The following LRP6 variants were observed in gnomAD, a reference collection of about 807,000 sequenced individuals.
LRP6 encodes the protein low-density lipoprotein receptor-related protein 6.
In LRP6, 43 loss-of-function variants were observed where a neutral mutation model predicts 184.1. The ratio of observed to expected loss-of-function variants is 0.23; its 90% CI spans 0.18 to 0.30. LRP6 has a LOEUF of 0.30. Among genes scored for constraint, LRP6 ranks in the 10% least tolerant of loss-of-function variants. The pLI is 1.00. For synonymous variants in LRP6, 719 were observed against 684.9 expected (o/e 1.05, Z -0.78); for missense variants, 1,571 against 2,005.3 (o/e 0.78, Z 4.14).
Position 12,151,058 on chromosome 12 carries a change from A to G in LRP6, c.2792-20T>C, listed in dbSNP as rs771374435. 1.5e-5 allele frequency: 24 copies of G among 1,596,350 alleles called. No individual in the cohort carries two copies. Among genetic ancestry groups the G allele is most frequent in the Non-Finnish European group, 2.0e-5 (23 of 1,166,156 alleles). On this transcript the variant is annotated intron_variant, in intron 12 of 22. Coordinates refer to ENST00000261349, the MANE Select transcript of LRP6 (RefSeq NM_002336.3). ...TAGGAGCTTAAAAGGAAGAAAAGAG[A>G]AAATCTGAAATCTAGTTACCCTACA... is the stretch of plus-strand genomic sequence containing the variant.
intron 3 of LRP6, among the ~76,000 whole-genome samples, chr12:12,199,983 AAAAAAAAAAAAAC>A: frequency 6.7e-6 from 1 of 148,974 alleles, no homozygotes; most frequent in African/African-American, 2.5e-5. Context: ...AAAAAAAAAA[AAAAAAAAAAAAAC>A]ACAAGGCTCT....
At chr12:12,219,110 G>A (rs1864421823) in intron 2 of LRP6, among the ~76,000 whole-genome samples, 2 of 152,162 alleles carry the variant, frequency 1.3e-5, no homozygotes, top group East Asian at 3.9e-4. Flanking sequence ...AACACAGCAA[G>A]GCTCCATCTC....
chr12:12,229,370 C>CAAAAAAA (rs375650917), intron 2 of LRP6, among the ~76,000 whole-genome samples: 5 of 61,396 alleles, frequency 8.1e-5, no homozygotes, highest in Admixed American at 1.9e-4. Flanking sequence ...AACTCCATTT[C>CAAAAAAA]AAAAAAAAAA....
At chr12:12,155,613 AAAG>A (rs1192409574) in intron 12 of LRP6, 1 of 859,270 alleles carries the variant, frequency 1.2e-6, no homozygotes, top group African/African-American at 1.7e-5. Context: ...GTTATCAGAA[AAAG>A]AAGGAAAATG....
chr12:12,216,219 T>G (rs1023672225), intron 2 of LRP6, among the ~76,000 whole-genome samples: 1 of 152,146 alleles, frequency 6.6e-6, no homozygotes, highest in Non-Finnish European at 1.5e-5. Context: ...ACAGAAAGAT[T>G]TGGAGACCCC....
In LRP6 at chr12:12,124,657, C is replaced by CA; in HGVS notation, c.4454dup (p.Leu1485PhefsTer29). On this transcript the variant is annotated frameshift_variant, in exon 22 of 23. Transcript: ENST00000261349. LOFTEE classifies it high-confidence loss of function. Reference sequence around the variant, plus strand: ...CTGTGGCTGGGGATGGTGGAGGGTTCAAAATCTAAAAGAAAAAAATAATTA... The same window carrying CA: ...CTGTGGCTGGGGATGGTGGAGGGTTCAAAAATCTAAAAGAAAAAAATAATTA... 6.2e-7 allele frequency: 1 copy of CA among 1,601,992 alleles called. No individual in the cohort carries two copies. The highest frequency in any genetic ancestry group is 8.5e-7 in the Non-Finnish European group (1 of 1,170,766).
At chr12:12,139,050 T>G in intron 15 of LRP6, 1 of 1,257,026 alleles carries the variant, frequency 8.0e-7, no homozygotes, top group African/African-American at 1.6e-5. Context: ...CTGCTATTGT[T>G]GCACAGTGAG....
At chr12:12,130,606 G>T (rs550541575) in intron 19 of LRP6, among the ~76,000 whole-genome samples, 177 bp downstream of exon 19, 2 of 152,222 alleles carry the variant, frequency 1.3e-5, no homozygotes, top group South Asian at 4.2e-4. Flanking sequence ...TAAGAAAACT[G>T]CTATGTTTAA....
Position 12,266,874 on chromosome 12 carries a change from G to C in LRP6, c.-139C>G. On this transcript the variant is annotated 5_prime_UTR_variant, in exon 1 of 23. Transcript: ENST00000261349. The stretch of plus-strand genomic sequence containing the variant: ...TCCCAGCGAGAGAAGAAAGAAAGGG[G>C]CACGTCAAGGTTCCGCGCGCGCCGC... The C allele has an allele frequency of 1.3e-6, 1 of 778,454 alleles. No individual in the cohort carries two copies. Among genetic ancestry groups the C allele is most frequent in the Non-Finnish European group, 2.2e-6 (1 of 452,476 alleles). 48.2% of individuals were successfully genotyped at this position (778,454 alleles called of 1,614,324 possible).
At chr12:12,198,956 GACTTTTCC>G (rs887199383) in intron 3 of LRP6, among the ~76,000 whole-genome samples, 119 of 152,092 alleles carry the variant, frequency 7.8e-4, no homozygotes, top group African/African-American at 2.6e-3. Context: ...CTAAAAGATT[GACTTTTCC>G]AGAAAACTAG....
chr12:12,184,471 G>GA (rs140830090), intron 4 of LRP6, among the ~76,000 whole-genome samples: 2 of 152,050 alleles, frequency 1.3e-5, no homozygotes, highest in South Asian at 2.1e-4. Context: ...AGTCAAATGG[G>GA]AAAAAAACCG....
At chr12:12,232,285 G>A (rs1864811261) in intron 2 of LRP6, among the ~76,000 whole-genome samples, 1 of 151,616 alleles carries the variant, frequency 6.6e-6, no homozygotes, top group African/African-American at 2.4e-5. Context: ...TTGGGAGGCT[G>A]AGGCAGAAGA....
At chr12:12,157,706 T>C (rs1222156941) in intron 12 of LRP6, among the ~76,000 whole-genome samples, 1 of 152,198 alleles carries the variant, frequency 6.6e-6, no homozygotes, top group African/African-American at 2.4e-5. Flanking sequence ...CAATAGTTAA[T>C]TACCTCTAAT....
In LRP6 at chr12:12,256,290, G is replaced by A. The variant is rs537311492; in HGVS notation, c.55+10391C>T. On this transcript the variant is annotated intron_variant, in intron 1 of 22. Coordinates refer to ENST00000261349, the MANE Select transcript of LRP6 (RefSeq NM_002336.3). ...AAATATTTTTTAGGCCAGGCGCGGT[G>A]GCTCATGCCTGTAATCCCAGCACTC... Among the ~76,000 whole-genome samples, 40 of 152,328 alleles carry A rather than the reference G, an allele frequency of 2.6e-4. No homozygotes were observed. The South Asian group carries it at 8.1e-3, about 31-fold the overall frequency.
chr12:12,163,164 C>T (rs1348103914), intron 9 of LRP6, among the ~76,000 whole-genome samples: 1 of 151,850 alleles, frequency 6.6e-6, no homozygotes, highest in Non-Finnish European at 1.5e-5. Context: ...TTAGTAGAGA[C>T]GGGGTTTTGT....
In LRP6 at chr12:12,171,259, G is replaced by A. The variant is rs189697517; in HGVS notation, c.1546-5964C>T. 5.7e-3 allele frequency among the ~76,000 whole-genome samples: 868 copies of A among 152,328 alleles called. 2 individuals are homozygous for A. Among genetic ancestry groups the A allele is most frequent in the Non-Finnish European group, 0.01 (685 of 68,032 alleles). Reference sequence around the variant, plus strand: ...TGGCCGAGCGCGGTGGCTCACGCCTGTAATCCCAGCACTTTGGGAGGCCAA... The same window carrying A: ...TGGCCGAGCGCGGTGGCTCACGCCTATAATCCCAGCACTTTGGGAGGCCAA... On this transcript the variant is annotated intron_variant, in intron 7 of 22. Transcript: ENST00000261349.
chr12:12,240,465 G>C (rs552022819), intron 2 of LRP6, among the ~76,000 whole-genome samples: 1 of 151,996 alleles, frequency 6.6e-6, no homozygotes, highest in Non-Finnish European at 1.5e-5. Context: ...CCAGCTACTC[G>C]GGAGGCTGAG....
intron 2 of LRP6, among the ~76,000 whole-genome samples, chr12:12,219,814 TG>T (rs1403898524): frequency 6.6e-6 from 1 of 152,140 alleles, no homozygotes; most frequent in Non-Finnish European, 1.5e-5. Context: ...CAGGGTTACG[TG>T]TAAGTCCTGA....
intron 2 of LRP6, among the ~76,000 whole-genome samples, chr12:12,210,416 A>C (rs1406480653): frequency 4.6e-5 from 7 of 152,202 alleles, no homozygotes; most frequent in Non-Finnish European, 1.0e-4. Context: ...AAGCATCCTC[A>C]CCTCATTGTT....
Sources: gnomAD v4.1 joint callset for allele counts (sites outside exome capture counted in the v4.1 genomes callset) on GRCh38, gnomAD v4.1.1 for gene constraint, MANE v1.5 for transcripts, NCBI Gene and HGNC (gene_info 2026-07-23, HGNC 2026-07-21) for gene names.